The following SEPTIN10 variants were observed in gnomAD, a reference collection of about 807,000 sequenced individuals.
SEPTIN10 encodes septin-10.
SEPTIN10 carries 66 observed loss-of-function variants against 54.8 expected under a neutral mutation model. The ratio of observed to expected loss-of-function variants is 1.21; its 90% CI spans 0.99 to 1.48. The LOEUF (loss-of-function observed/expected upper bound fraction) is 1.48, where lower values mean the gene tolerates loss of function less well. Ranked by LOEUF, SEPTIN10 falls within the 40% of genes most tolerant of loss-of-function variation. The pLI is 0.00. For synonymous variants in SEPTIN10, 161 were observed against 181.0 expected, an observed-to-expected ratio of 0.89 and a Z score of 0.89; for missense variants, 620 against 545.6, an observed-to-expected ratio of 1.14 and a Z score of -1.36.
At chr2:109,580,703 C>A (rs1371869300) in intron 4 of SEPTIN10, among the ~76,000 whole-genome samples, 1 of 152,152 alleles carries the variant, frequency 6.6e-6, no homozygotes, top group African/African-American at 2.4e-5. Flanking sequence ...CCTTAAATAA[C>A]TAGAAACCTG....
At chr2:109,575,038 T>C (rs774766882) in intron 4 of SEPTIN10, among the ~76,000 whole-genome samples, 1 of 152,246 alleles carries the variant, frequency 6.6e-6, no homozygotes, top group Non-Finnish European at 1.5e-5. Context: ...CCAATAAACC[T>C]ATCATAAAGT....
intron 9 of SEPTIN10, among the ~76,000 whole-genome samples, chr2:109,548,799 AAAAG>A (rs1682045475): frequency 1.3e-5 from 2 of 148,624 alleles, no homozygotes; most frequent in African/African-American, 4.9e-5. Flanking sequence ...AAAAAAAAAA[AAAAG>A]ACATAATATT....
chr2:109,560,555 A>G lies in SEPTIN10; in HGVS notation c.1028+3811T>C, dbSNP rs1685429962. On this transcript the variant is annotated intron_variant, in intron 8 of 10. Transcript: ENST00000397712. ...CATAGAATTAATCATTTAAATACCC[A>G]TGACTCTTAAGCTATTTCTTTGGCC... 2.6e-5 allele frequency among the ~76,000 whole-genome samples: 4 copies of G among 152,150 alleles called. 1 individual carries two copies. The highest frequency in any genetic ancestry group is 6.3e-3 in the Middle Eastern group (2 of 316).
chr2:109,585,176 C>T lies in SEPTIN10; in HGVS notation c.363G>A (p.Leu121=). ...ELQESNVQLK[L]TIVNTVGFGD... is the part of the protein sequence containing the mutation. ...CAAATCCCACTGTATTCACAATGGT[C>T]AATTTCAATTGAACATTACTTTCCT... The change falls in exon 4 of 11, where the codon TTG becomes TTA. Residue 121 remains leucine, a synonymous_variant. Coordinates refer to ENST00000397712, the MANE Select transcript of SEPTIN10 (RefSeq NM_144710.5). 6.2e-7 allele frequency: 1 copy of T among 1,609,360 alleles called. No individual in the cohort carries two copies. The highest frequency in any genetic ancestry group is 8.5e-7 in the Non-Finnish European group (1 of 1,177,910).
At chr2:109,601,746 T>C (rs1696629921) in intron 1 of SEPTIN10, among the ~76,000 whole-genome samples, 1 of 151,096 alleles carries the variant, frequency 6.6e-6, no homozygotes, top group Admixed American at 6.7e-5. Context: ...GCTCAAAATA[T>C]CTTTCTACAC....
chr2:109,558,633 G>A (rs1006381604), intron 8 of SEPTIN10, among the ~76,000 whole-genome samples: 1 of 152,066 alleles, frequency 6.6e-6, no homozygotes, highest in African/African-American at 2.4e-5. Flanking sequence ...ACAAGCCTGC[G>A]ATTGGTGCTG....
chr2:109,553,658 G>A (rs1260908693), intron 8 of SEPTIN10, among the ~76,000 whole-genome samples: 1 of 151,816 alleles, frequency 6.6e-6, no homozygotes, highest in Non-Finnish European at 1.5e-5. Flanking sequence ...TTCAAGACCA[G>A]CCTGGCCAAC....
rs114300369 is a variant in SEPTIN10 at position 109,598,428 on chromosome 2, A to G, written c.31-5309T>C. Among the ~76,000 whole-genome samples, 759 of 152,306 alleles carry G rather than the reference A, an allele frequency of 5.0e-3. 5 individuals are homozygous for G. Among genetic ancestry groups the G allele is most frequent in the African/African-American group, 0.017 (726 of 41,562 alleles). On this transcript the variant is annotated intron_variant, in intron 1 of 10. Coordinates refer to ENST00000397712, the MANE Select transcript of SEPTIN10 (RefSeq NM_144710.5). The stretch of plus-strand genomic sequence containing the variant: ...ATTTTTATTATTATAAAGTTAGTCC[A>G]AAATATAGAACCAAAGTTTTTAAAC...
At chr2:109,559,810 A>G (rs1315687761) in intron 8 of SEPTIN10, among the ~76,000 whole-genome samples, 4 of 151,724 alleles carry the variant, frequency 2.6e-5, no homozygotes, top group African/African-American at 4.8e-5. Flanking sequence ...GTTTCAGTTC[A>G]TTCATTCCAC....
intron 1 of SEPTIN10, among the ~76,000 whole-genome samples, chr2:109,610,288 C>T (rs563152960): frequency 1.3e-5 from 2 of 152,074 alleles, no homozygotes; most frequent in Non-Finnish European, 2.9e-5. Context: ...TGGGGTTTTA[C>T]GGTGTTGGCC....
intron 4 of SEPTIN10, among the ~76,000 whole-genome samples, chr2:109,584,479 A>AG (rs1691995842): frequency 2.0e-5 from 3 of 151,466 alleles, no homozygotes; most frequent in Admixed American, 2.0e-4. Context: ...TGTCTCAAAA[A>AG]AAAAAAAAAA....
intron 1 of SEPTIN10, chr2:109,613,121 T>G (rs1008726657): frequency 9.6e-6 from 12 of 1,246,736 alleles, no homozygotes; most frequent in Middle Eastern, 4.3e-4. Flanking sequence ...CCATGTAGCC[T>G]TTGGAAAACT....
At chr2:109,581,050 T>C (rs186021569) in intron 4 of SEPTIN10, among the ~76,000 whole-genome samples, 1 of 152,324 alleles carries the variant, frequency 6.6e-6, no homozygotes, top group Admixed American at 6.5e-5. Flanking sequence ...GACAGCAAAA[T>C]ACCCATGACT....
intron 1 of SEPTIN10, among the ~76,000 whole-genome samples, chr2:109,602,543 C>T (rs940201532): frequency 3.3e-5 from 5 of 151,872 alleles, no homozygotes; most frequent in African/African-American, 7.3e-5. Flanking sequence ...AGTGTGGTGG[C>T]GCATGCCTAT....
At position 109,613,252 on chromosome 2, in the gene SEPTIN10, C is replaced by G. The variant is rs1301562665; in HGVS notation, c.30+546G>C. The G allele has an allele frequency of 2.7e-6, 3 of 1,129,136 alleles. No homozygotes were observed. In the African/African-American group the frequency reaches 4.8e-5, roughly 18 times the overall value. 69.9% of individuals were successfully genotyped at this position (1,129,136 alleles called of 1,614,324 possible). On this transcript the variant is annotated intron_variant, in intron 1 of 10. Coordinates refer to ENST00000397712, the MANE Select transcript of SEPTIN10 (RefSeq NM_144710.5). ...AACTGGAAAGGTTCAAAACAGTGAA[C>G]AAACGCGTTCTTTTAGAGTACAAAA...
At chr2:109,610,227 T>C (rs898325457) in intron 1 of SEPTIN10, among the ~76,000 whole-genome samples, 5 of 152,026 alleles carry the variant, frequency 3.3e-5, no homozygotes, top group African/African-American at 9.7e-5. Context: ...TAGTTGGGAC[T>C]ACAGGCGCAT....
intron 5 of SEPTIN10, among the ~76,000 whole-genome samples, chr2:109,569,437 TA>T (rs61064446): frequency 0.3 from 39,716 of 131,138 alleles, 5,635 homozygotes; most frequent in African/African-American, 0.37. Flanking sequence ...AAACTCTTGT[TA>T]AAAAAAAAAA....
At chr2:109,582,404 C>T (rs1475184089) in intron 4 of SEPTIN10, among the ~76,000 whole-genome samples, 2 of 152,154 alleles carry the variant, frequency 1.3e-5, no homozygotes, top group South Asian at 2.1e-4. Flanking sequence ...ACTGCAGCTT[C>T]GACTTCCCAG....
At chr2:109,589,416 C>T (rs796315506) in intron 2 of SEPTIN10, among the ~76,000 whole-genome samples, 4 of 152,186 alleles carry the variant, frequency 2.6e-5, no homozygotes, top group African/African-American at 9.6e-5. Flanking sequence ...CCTGTAGTCC[C>T]AGCTACTCCG....
Sources: allele counts gnomAD v4.1 joint callset (sites outside exome capture counted in the v4.1 genomes callset), GRCh38; gene constraint gnomAD v4.1.1; transcripts MANE v1.5; gene names NCBI Gene and HGNC (gene_info 2026-07-23, HGNC 2026-07-21).